Variants in ERGIC2 observed in about 807,000 individuals in gnomAD.
ERGIC2 encodes the protein endoplasmic reticulum-Golgi intermediate compartment protein 2.
Under a neutral mutation model 52.5 loss-of-function variants are expected in ERGIC2, and 31 were observed. The observed-to-expected ratio is 0.59, with a 90% CI of 0.44 to 0.80. The LOEUF (loss-of-function observed/expected upper bound fraction) is 0.80. ERGIC2 is among the 30% of genes least tolerant of loss of function. The probability of loss-of-function intolerance (pLI) is 0.00; values close to 1 mark genes in which losing one functional copy is unlikely to be tolerated. For missense variants in ERGIC2, 395 were observed against 455.2 expected (o/e 0.87, Z 1.20); for synonymous variants, 129 against 140.6 (o/e 0.92, Z 0.58).
chr12:29,364,647 A>G, intron 5 of ERGIC2, among the ~76,000 whole-genome samples: 1 of 151,644 alleles, frequency 6.6e-6, no homozygotes, highest in Non-Finnish European at 1.5e-5. Context: ...AACAAAAACA[A>G]AAACTACCAA....
At position 29,355,998 on chromosome 12, in the gene ERGIC2, C is replaced by T. The variant is rs562561714; in HGVS notation, c.572+384G>A. ...TTTTAAGCAAGCCTTTAGTAGTTAGCTGTATTTATTTGATTAGCAAAGTAT... is the reference window on the plus strand; with the variant it reads ...TTTTAAGCAAGCCTTTAGTAGTTAGTTGTATTTATTTGATTAGCAAAGTAT... On this transcript the variant is annotated intron_variant, in intron 8 of 13. Coordinates refer to ENST00000360150, the MANE Select transcript of ERGIC2 (RefSeq NM_016570.3). Among the ~76,000 whole-genome samples, 9 of 151,902 alleles carry T rather than the reference C, an allele frequency of 5.9e-5. No homozygotes were observed. In the South Asian group the frequency reaches 1.9e-3, roughly 32 times the overall value.
At position 29,356,487 on chromosome 12, in the gene ERGIC2, T is replaced by C. The variant is rs773816720; in HGVS notation, c.477-10A>G. ...TGATGAATCATCTTCTCTGTTAAAATAAGATATATTATTTAAAGCACATTC... is the reference window on the plus strand; with the variant it reads ...TGATGAATCATCTTCTCTGTTAAAACAAGATATATTATTTAAAGCACATTC... On this transcript the variant is annotated splice_polypyrimidine_tract_variant and intron_variant, in intron 7 of 13. Transcript: ENST00000360150. 12 of 1,448,442 alleles carry C rather than the reference T, an allele frequency of 8.3e-6. No homozygotes were observed. Among genetic ancestry groups the C allele is most frequent in the Non-Finnish European group, 1.1e-5 (11 of 1,030,684 alleles). 89.7% of individuals were successfully genotyped at this position (1,448,442 alleles called of 1,614,324 possible).
intron 1 of ERGIC2, among the ~76,000 whole-genome samples, chr12:29,377,740 A>G (rs991232363): frequency 7.9e-5 from 12 of 152,198 alleles, no homozygotes; most frequent in African/African-American, 2.9e-4. Flanking sequence ...CTGTAAGTAA[A>G]GTCACACAGC....
intron 6 of ERGIC2, among the ~76,000 whole-genome samples, chr12:29,360,466 T>C (rs1306302128): frequency 6.7e-6 from 1 of 148,598 alleles, no homozygotes; most frequent in African/African-American, 2.4e-5. Flanking sequence ...TAGAAATAAT[T>C]ATATGTTTTT....
At position 29,343,156 on chromosome 12, in the gene ERGIC2, G is replaced by A. The variant is rs943294954; in HGVS notation, c.952C>T (p.Leu318Phe). ...HMPFWQFFVR[L>F]CGIVGGIFST... ...AAGATTCCTCCAACAATACCACAGA[G>A]TCTTACAAAAAACTGCCAGAATGGC... Residue 318 changes from leucine to phenylalanine, a missense_variant, in exon 12 of 14, where the codon CTC becomes TTC. By Grantham distance (22) the Leu-to-Phe change is conservative (BLOSUM62 0). Coordinates refer to ENST00000360150, the MANE Select transcript of ERGIC2 (RefSeq NM_016570.3). 1.2e-6 allele frequency: 2 copies of A among 1,611,104 alleles called. No individual in the cohort carries two copies. The highest frequency in any genetic ancestry group is 3.3e-5 in the Admixed American group (2 of 59,830).
intron 7 of ERGIC2, 77 bp from the exon 8 acceptor site, chr12:29,356,554 A>G: frequency 1.4e-6 from 1 of 724,578 alleles, no homozygotes; most frequent in Non-Finnish European, 2.3e-6. Context: ...GTGTATAGAA[A>G]AAAAAATCCC....
intron 1 of ERGIC2, among the ~76,000 whole-genome samples, chr12:29,378,476 A>C (rs922538294): frequency 6.6e-6 from 1 of 152,188 alleles, no homozygotes; most frequent in Admixed American, 6.5e-5. Context: ...ATCAGAAATA[A>C]AAGGTAAAAC....
intron 1 of ERGIC2, among the ~76,000 whole-genome samples, chr12:29,380,416 T>C: frequency 6.6e-6 from 1 of 152,116 alleles, no homozygotes; most frequent in Non-Finnish European, 1.5e-5. Context: ...TCTTTAAGTC[T>C]CGGGGGCACT....
chr12:29,347,602 C>CCTTGTT (rs1940071966), intron 10 of ERGIC2, among the ~76,000 whole-genome samples: 7 of 152,122 alleles, frequency 4.6e-5, no homozygotes, highest in Non-Finnish European at 7.4e-5. Flanking sequence ...AGGGCAGGGA[C>CCTTGTT]TATGTCTACC....
chr12:29,343,231 T>C lies in ERGIC2; in HGVS notation c.877A>G (p.Met293Val). 3.1e-6 allele frequency: 5 copies of C among 1,610,840 alleles called. No homozygotes were observed. Among genetic ancestry groups the C allele is most frequent in the Non-Finnish European group, 4.2e-6 (5 of 1,177,926 alleles). The part of the protein sequence containing the change: ...AGSHGVSGIF[M>V]KYDLSSLMVT... ...ATAAGAGAACTGAGATCATATTTCA[T>C]AAATATCCCAGAGACTCCATGGCTG... The change falls in exon 12 of 14, where the codon ATG becomes GTG. Residue 293 changes from methionine to valine, a missense_variant. Met to Val is a conservative substitution (Grantham distance 21, BLOSUM62 1). Transcript: ENST00000360150.
intron 5 of ERGIC2, 134 bp from the exon 6 acceptor site, chr12:29,361,819 C>T: frequency 1.8e-6 from 1 of 548,732 alleles, no homozygotes; most frequent in Non-Finnish European, 3.1e-6. Flanking sequence ...GGTTTACATT[C>T]AACTTCTATA....
intron 6 of ERGIC2, 53 bp from the exon 7 acceptor site, chr12:29,357,777 A>C: frequency 1.0e-6 from 1 of 953,940 alleles, no homozygotes; most frequent in Non-Finnish European, 1.7e-6. Flanking sequence ...AAGAGAGCTG[A>C]CACTTATTCA....
intron 8 of ERGIC2, among the ~76,000 whole-genome samples, chr12:29,354,977 G>A (rs1056217067): frequency 2.0e-5 from 3 of 152,040 alleles, no homozygotes; most frequent in African/African-American, 7.2e-5. Context: ...AAGAGATAAT[G>A]AGGAAAAAAA....
At chr12:29,374,050 C>T (rs1481602275) in intron 1 of ERGIC2, among the ~76,000 whole-genome samples, 1 of 152,032 alleles carries the variant, frequency 6.6e-6, no homozygotes, top group African/African-American at 2.4e-5. Flanking sequence ...TAAAACAGAA[C>T]TCTCCCTTAA....
chr12:29,371,727 C>T, intron 1 of ERGIC2, 57 bp from the exon 2 acceptor site: 1 of 795,452 alleles, frequency 1.3e-6, no homozygotes, highest in Non-Finnish European at 2.0e-6. Context: ...AAAAAGGTTT[C>T]TTTAAATTTA....
chr12:29,360,140 C>T (rs968935198), intron 6 of ERGIC2, among the ~76,000 whole-genome samples: 1 of 151,890 alleles, frequency 6.6e-6, no homozygotes, highest in Non-Finnish European at 1.5e-5. Context: ...TCTAATATAG[C>T]CTTTTGGAGT....
intron 10 of ERGIC2, among the ~76,000 whole-genome samples, chr12:29,346,350 A>G (rs1007278012): frequency 7.2e-5 from 11 of 151,750 alleles, no homozygotes; most frequent in African/African-American, 2.2e-4. Context: ...ACCAAGCCCA[A>G]CTAAATTTTT....
intron 6 of ERGIC2, among the ~76,000 whole-genome samples, chr12:29,359,794 G>C (rs1940258411): frequency 6.6e-6 from 1 of 151,838 alleles, no homozygotes; most frequent in African/African-American, 2.4e-5. Flanking sequence ...AAATTTTTTG[G>C]AATAATCTTA....
At chr12:29,353,963 G>C (rs1940169163) in intron 8 of ERGIC2, among the ~76,000 whole-genome samples, 1 of 152,114 alleles carries the variant, frequency 6.6e-6, no homozygotes, top group South Asian at 2.1e-4. Context: ...ATGACTTTCA[G>C]TGGAGGAAAA....
Sources: allele counts gnomAD v4.1 joint callset (sites outside exome capture counted in the v4.1 genomes callset), GRCh38; gene constraint gnomAD v4.1.1; transcripts MANE v1.5; gene names NCBI Gene and HGNC (gene_info 2026-07-23, HGNC 2026-07-21).